The following FTCDNL1 variants were observed in gnomAD, a reference collection of about 807,000 sequenced individuals.
FTCDNL1 encodes the protein formiminotransferase cyclodeaminase N-terminal like.
A neutral mutation model predicts 5.9 loss-of-function variants in FTCDNL1; 11 were observed. The ratio of observed to expected loss-of-function variants is 1.87; its 90% confidence interval spans 1.18 to 3.10. FTCDNL1 has a LOEUF of 3.10. Among genes scored for constraint, FTCDNL1 ranks in the 30% most tolerant of loss-of-function variants. FTCDNL1 has a pLI of 0.00. For missense variants in FTCDNL1, 115 were observed against 65.5 expected, an observed-to-expected ratio of 1.76 and a Z score of -2.61; for synonymous variants, 58 against 24.8, an observed-to-expected ratio of 2.34 and a Z score of -3.99.
chr2:199,702,162 G>A, the FTCDNL1 span, among the ~76,000 whole-genome samples: 1 of 152,084 alleles, frequency 6.6e-6, no homozygotes, highest in African/African-American at 2.4e-5. Context: ...AAGAGGGTGA[G>A]GATTGAACAC....
chr2:199,713,370 T>C, the FTCDNL1 span, among the ~76,000 whole-genome samples: 7 of 151,994 alleles, frequency 4.6e-5, no homozygotes, highest in South Asian at 2.1e-4. Context: ...CCTTGAGAAA[T>C]TGGAAATGAA....
downstream of FTCDNL1, among the ~76,000 whole-genome samples, chr2:199,806,857 G>C (rs532028684): frequency 6.6e-6 from 1 of 152,178 alleles, no homozygotes; most frequent in East Asian, 1.9e-4. Context: ...TTTAAAGTTG[G>C]GTAGAATAAA....
intron 3 of FTCDNL1, among the ~76,000 whole-genome samples, chr2:199,799,844 G>A (rs1473407427): frequency 6.6e-6 from 1 of 152,084 alleles, no homozygotes; most frequent in African/African-American, 2.4e-5. Flanking sequence ...CCCTTCCTTT[G>A]CTGAGCAGAA....
intron 3 of FTCDNL1, among the ~76,000 whole-genome samples, chr2:199,800,356 G>T (rs944962908): frequency 9.2e-5 from 14 of 152,110 alleles, no homozygotes; most frequent in African/African-American, 2.9e-4. Flanking sequence ...GCTGTTGTGA[G>T]AATTAAATAA....
intron 3 of FTCDNL1, among the ~76,000 whole-genome samples, chr2:199,834,833 C>T (rs947610886): frequency 5.3e-5 from 8 of 152,242 alleles, no homozygotes; most frequent in Non-Finnish European, 1.0e-4. Flanking sequence ...TTCGTTGCTA[C>T]GTTATATAAA....
At chr2:199,731,755 G>A in the FTCDNL1 span, among the ~76,000 whole-genome samples, 2 of 151,508 alleles carry the variant, frequency 1.3e-5, no homozygotes, top group Non-Finnish European at 3.0e-5. Flanking sequence ...GGGCGTAGTG[G>A]CGGGCGCCTG....
the FTCDNL1 span, among the ~76,000 whole-genome samples, chr2:199,708,520 T>C: frequency 6.6e-6 from 1 of 152,164 alleles, no homozygotes; most frequent in Admixed American, 6.6e-5. Context: ...TTAAAAAGTA[T>C]TGGGCTGTGT....
At chr2:199,760,116 T>C (rs1367022858), downstream of FTCDNL1, among the ~76,000 whole-genome samples, 4 of 152,064 alleles carry the variant, frequency 2.6e-5, no homozygotes, top group Non-Finnish European at 5.9e-5. Flanking sequence ...CTGGATTTGT[T>C]TTGACCAAGA....
At chr2:199,784,042 C>A (rs36031708) in intron 3 of FTCDNL1, among the ~76,000 whole-genome samples, 10,776 of 152,148 alleles carry the variant, frequency 0.071, 499 homozygotes, top group East Asian at 0.2. Flanking sequence ...TCAGGGTAGC[C>A]AACCTCTTAG....
At chr2:199,765,550 A>ATTTTTTTT (rs1195071962) in intron 3 of FTCDNL1, among the ~76,000 whole-genome samples, 5 of 52,974 alleles carry the variant, frequency 9.4e-5, no homozygotes, top group African/African-American at 1.8e-4. Context: ...ATATATATAT[A>ATTTTTTTT]TATATATTTT....
At chr2:199,843,122 A>G (rs2076636079) in intron 3 of FTCDNL1, among the ~76,000 whole-genome samples, 1 of 152,200 alleles carries the variant, frequency 6.6e-6, no homozygotes, top group Admixed American at 6.5e-5. Context: ...GTTATAAATT[A>G]GTTCAAGAAT....
the FTCDNL1 span, among the ~76,000 whole-genome samples, chr2:199,696,391 C>G: frequency 6.6e-6 from 1 of 152,198 alleles, no homozygotes; most frequent in East Asian, 1.9e-4. Context: ...CCTCCCTCCC[C>G]CTGCCATTGA....
intron 3 of FTCDNL1, among the ~76,000 whole-genome samples, chr2:199,776,962 G>C: frequency 3.4e-5 from 1 of 29,186 alleles, no homozygotes. Context: ...GTGTATATGT[G>C]TGTGTGTGTG....
the FTCDNL1 span, among the ~76,000 whole-genome samples, chr2:199,726,797 T>C: frequency 2.3e-4 from 35 of 152,260 alleles, no homozygotes; most frequent in African/African-American, 7.9e-4. Context: ...GGGATCTCTG[T>C]CCCAGAGGGG....
chr2:199,841,348 T>G (rs2076583069), intron 3 of FTCDNL1, among the ~76,000 whole-genome samples: 1 of 152,056 alleles, frequency 6.6e-6, no homozygotes, highest in African/African-American at 2.4e-5. Context: ...GATCGTGCAC[T>G]GCACTCCAGC....
rs147373743 is a variant in FTCDNL1, at chr2:199,779,994, G to A, written c.212-19159C>T. 1.6e-3 allele frequency among the ~76,000 whole-genome samples: 240 copies of A among 152,266 alleles called. 2 individuals are homozygous for A. The highest frequency in any genetic ancestry group is 6.9e-4 in the Non-Finnish European group (47 of 68,012). Reference sequence around the variant, plus strand: ...CTGCAAAAGTACCACCTCTTATCACGTGCCGACAGCTAGCCCTGATGAAAT... The same window carrying A: ...CTGCAAAAGTACCACCTCTTATCACATGCCGACAGCTAGCCCTGATGAAAT... On this transcript the variant is annotated intron_variant, in intron 3 of 3. Coordinates refer to the FTCDNL1 transcript ENST00000416668.
chr2:199,829,776 A>G (rs546752710), intron 3 of FTCDNL1, among the ~76,000 whole-genome samples: 1 of 152,334 alleles, frequency 6.6e-6, no homozygotes, highest in South Asian at 2.1e-4. Flanking sequence ...TCAGCAGCTC[A>G]AGGAATATAA....
At chr2:199,756,417 G>A (rs929462342), downstream of FTCDNL1, among the ~76,000 whole-genome samples, 5 of 152,106 alleles carry the variant, frequency 3.3e-5, no homozygotes, top group South Asian at 2.1e-4. Context: ...ACCAGCCAGC[G>A]GGCTGACTGA....
the FTCDNL1 span, among the ~76,000 whole-genome samples, chr2:199,739,156 T>C: frequency 1.3e-5 from 2 of 152,184 alleles, no homozygotes; most frequent in Non-Finnish European, 2.9e-5. Context: ...AGACTGTGTT[T>C]TAAGTAAGAT....
Sources: gnomAD v4.1 joint callset for allele counts (sites outside exome capture counted in the v4.1 genomes callset) on GRCh38, gnomAD v4.1.1 for gene constraint, MANE v1.5 for transcripts, NCBI Gene and HGNC (gene_info 2026-07-23, HGNC 2026-07-21) for gene names.